GIMAP8: variants seen among roughly 807,000 people sequenced by gnomAD.
GIMAP8 encodes the protein GTPase IMAP family member 8.
GIMAP8 carries 29 observed loss-of-function variants against 35.6 expected under a neutral mutation model. That is an observed-to-expected ratio of 0.81 (90% CI 0.61 to 1.11). The LOEUF is 1.11. GIMAP8 is among the 50% of genes most tolerant of loss of function. GIMAP8 has a pLI of 0.00. For missense variants in GIMAP8, 811 were observed against 805.0 expected, an observed-to-expected ratio of 1.01 and a Z score of -0.09; for synonymous variants, 335 against 308.7, an observed-to-expected ratio of 1.09 and a Z score of -0.89.
At chr7:150,455,138 CAA>C (rs57359256) in intron 1 of GIMAP8, among the ~76,000 whole-genome samples, 36,676 of 123,700 alleles carry the variant, frequency 0.3, 4,449 homozygotes, top group African/African-American at 0.39. Flanking sequence ...AATTCCATCT[CAA>C]AAAAAAAAAA....
chr7:150,467,649 C>T (rs748440666), intron 2 of GIMAP8, among the ~76,000 whole-genome samples: 14 of 152,134 alleles, frequency 9.2e-5, no homozygotes, highest in Non-Finnish European at 1.8e-4. Flanking sequence ...TTGCCCTCTC[C>T]TTGTTCATTT....
intron 1 of GIMAP8, among the ~76,000 whole-genome samples, chr7:150,456,657 A>T (rs931775514): frequency 2.0e-5 from 3 of 152,226 alleles, no homozygotes; most frequent in African/African-American, 7.2e-5. Flanking sequence ...GCATGTGGAC[A>T]CCTTGGGCGA....
In GIMAP8 at chr7:150,477,957, G is replaced by A; in HGVS notation, c.*177G>A. ...TTGTAGATAAATAAATTGCAGGTGGGGGCGAATAGTAGGGTATTATAAAGG... is the reference window on the plus strand; with the variant it reads ...TTGTAGATAAATAAATTGCAGGTGGAGGCGAATAGTAGGGTATTATAAAGG... On this transcript the variant is annotated 3_prime_UTR_variant, in exon 5 of 5. Transcript: ENST00000307271. 1.7e-6 allele frequency: 1 copy of A among 593,438 alleles called. No homozygotes were observed. 36.8% of individuals were successfully genotyped at this position (593,438 alleles called of 1,614,324 possible).
intron 1 of GIMAP8, among the ~76,000 whole-genome samples, chr7:150,466,298 G>C (rs527565370): frequency 6.6e-6 from 1 of 152,166 alleles, no homozygotes; most frequent in African/African-American, 2.4e-5. Flanking sequence ...TGATTTAATA[G>C]GTGTAGGTTG....
At position 150,463,411 on chromosome 7, in the gene GIMAP8, T is replaced by C. The variant is rs115089363; in HGVS notation, c.-28-3260T>C. Among the ~76,000 whole-genome samples, 914 of 152,364 alleles carry C rather than the reference T, an allele frequency of 6.0e-3. 7 individuals are homozygous for C. Among genetic ancestry groups the C allele is most frequent in the African/African-American group, 0.021 (873 of 41,586 alleles). On this transcript the variant is annotated intron_variant, in intron 1 of 4. Coordinates refer to ENST00000307271, the MANE Select transcript of GIMAP8 (RefSeq NM_175571.4). ...CTTTGGAGATACTATGTTCCCTTGCTTTTTAATGTTTCTTGTGTTTTTGCA... is the reference window on the plus strand; with the variant it reads ...CTTTGGAGATACTATGTTCCCTTGCCTTTTAATGTTTCTTGTGTTTTTGCA...
intron 1 of GIMAP8, among the ~76,000 whole-genome samples, chr7:150,462,993 T>C (rs528748457): frequency 1.9e-4 from 29 of 152,290 alleles, no homozygotes; most frequent in African/African-American, 7.0e-4. Context: ...GTTTACTTTA[T>C]GGTGTCCCAT....
At chr7:150,455,414 G>C (rs1801709526) in intron 1 of GIMAP8, among the ~76,000 whole-genome samples, 1 of 152,208 alleles carries the variant, frequency 6.6e-6, no homozygotes, top group South Asian at 2.1e-4. Context: ...TTATACTAAA[G>C]TTACAGGAGT....
rs541507097 is a variant in GIMAP8, at chr7:150,469,554, G to A, written c.637-1275G>A. Among the ~76,000 whole-genome samples, 9 of 152,278 alleles carry A rather than the reference G, an allele frequency of 5.9e-5. No homozygotes were observed. In the East Asian group the frequency reaches 7.7e-4, roughly 13 times the overall value. ...AATTAAATGAAATGCTTACAAAGTC[G>A]TTAACAAATGCTTGAAACTTGGTAG... On this transcript the variant is annotated intron_variant, in intron 2 of 4. Coordinates refer to ENST00000307271, the MANE Select transcript of GIMAP8 (RefSeq NM_175571.4).
At chr7:150,454,550 A>C (rs990358486) in intron 1 of GIMAP8, among the ~76,000 whole-genome samples, 9 of 152,136 alleles carry the variant, frequency 5.9e-5, no homozygotes, top group Non-Finnish European at 1.2e-4. Flanking sequence ...GGTGTGCTGG[A>C]CCATCTGGGA....
Position 150,467,301 on chromosome 7 carries a change from T to C in GIMAP8, c.603T>C (p.His201=). ...TGAATACGAACGGAGGACCCTATCA[T>C]GTGAACTTCAAAACTGAAGGCAGCA... ...SLVNTNGGPY[H]VNFKTEGSRF... Residue 201 remains histidine, a synonymous_variant, in exon 2 of 5, where the codon CAT becomes CAC. Transcript: ENST00000307271. The C allele has an allele frequency of 6.2e-7, 1 of 1,613,240 alleles. No individual in the cohort carries two copies. Among genetic ancestry groups the C allele is most frequent in the East Asian group, 2.2e-5 (1 of 44,866 alleles).
At position 150,466,888 on chromosome 7, in the gene GIMAP8, A is replaced by G. The variant is rs751703860; in HGVS notation, c.190A>G (p.Ile64Val). The change falls in exon 2 of 5, where the codon ATT becomes GTT. Residue 64 changes from isoleucine to valine, a missense_variant. By Grantham distance (29) the Ile-to-Val change is conservative (BLOSUM62 3). Coordinates refer to ENST00000307271, the MANE Select transcript of GIMAP8 (RefSeq NM_175571.4). ...CCTGAGAGAAAGGAAGGTTGTGGTAATTGACACCCCTGACCTTTTCTCCTC... is the reference window on the plus strand; with the variant it reads ...CCTGAGAGAAAGGAAGGTTGTGGTAGTTGACACCCCTGACCTTTTCTCCTC... ...WVLRERKVVV[I>V]DTPDLFSSIA... 6.2e-7 allele frequency: 1 copy of G among 1,614,232 alleles called. No individual in the cohort carries two copies. The highest frequency in any genetic ancestry group is 8.5e-7 in the Non-Finnish European group (1 of 1,180,032).
intron 1 of GIMAP8, among the ~76,000 whole-genome samples, chr7:150,464,548 G>A (rs1226480682): frequency 3.9e-5 from 6 of 152,110 alleles, no homozygotes; most frequent in Non-Finnish European, 8.8e-5. Context: ...GTTGGGCATG[G>A]TGGTGTGTGC....
At position 150,467,004 on chromosome 7, in the gene GIMAP8, C is replaced by T; in HGVS notation, c.306C>T (p.Ala102=). 6.2e-7 allele frequency: 1 copy of T among 1,614,220 alleles called. No homozygotes were observed. Among genetic ancestry groups the T allele is most frequent in the Non-Finnish European group, 8.5e-7 (1 of 1,180,040 alleles). ...TCCATGCTCTGCTCTTGGTAATTGC[C>T]ATCGGCCATTTCACAAGGGAGGATG... ...PSLHALLLVI[A]IGHFTREDEE... is the part of the protein sequence containing the mutation. Residue 102 remains alanine, a synonymous_variant, in exon 2 of 5, where the codon GCC becomes GCT. Coordinates refer to ENST00000307271, the MANE Select transcript of GIMAP8 (RefSeq NM_175571.4).
chr7:150,459,181 A>G (rs1732281362), intron 1 of GIMAP8, among the ~76,000 whole-genome samples: 1 of 152,292 alleles, frequency 6.6e-6, no homozygotes, highest in Admixed American at 6.5e-5. Flanking sequence ...GAGATGCCCT[A>G]AGGGATTTCC....
Position 150,466,878 on chromosome 7 carries a change from GGTTGTGGTAATT to G in GIMAP8, c.182_193del (p.Val61_Ile64del). On this transcript the variant is annotated inframe_deletion, in exon 2 of 5. Transcript: ENST00000307271. ...AGAGTTGGGTCCTGAGAGAAAGGAA[GGTTGTGGTAATT>G]GACACCCCTGACCTTTTCTCCTCAA... is the stretch of plus-strand genomic sequence containing the variant. 1 of 1,614,256 alleles carries G rather than the reference GGTTGTGGTAATT, an allele frequency of 6.2e-7. No homozygotes were observed. Among genetic ancestry groups the G allele is most frequent in the East Asian group, 2.2e-5 (1 of 44,882 alleles).
Position 150,477,664 on chromosome 7 carries a change from A to C in GIMAP8, c.1882A>C (p.Ser628Arg). The part of the protein sequence containing the change: ...LTKVNDLRKE[S>R]GWSGYPHTQE... ...AAAGGTCAATGATCTGAGAAAAGAA[A>C]GTGGGTGGTCCGGGTATCCCCATAC... Residue 628 changes from serine (S) to arginine (R), a missense_variant, in exon 5 of 5, where the codon AGT (serine) becomes CGT (arginine). Transcript: ENST00000307271. 1 of 1,614,248 alleles carries C rather than the reference A, an allele frequency of 6.2e-7. No individual in the cohort carries two copies. Among genetic ancestry groups the C allele is most frequent in the Non-Finnish European group, 8.5e-7 (1 of 1,180,044 alleles).
chr7:150,464,629 G>C (rs1263583428), intron 1 of GIMAP8, among the ~76,000 whole-genome samples: 1 of 152,288 alleles, frequency 6.6e-6, no homozygotes, highest in Admixed American at 6.5e-5. Context: ...GATGTAGTGA[G>C]CTGTGGTCCC....
At chr7:150,460,243 A>T (rs933405931) in intron 1 of GIMAP8, among the ~76,000 whole-genome samples, 1 of 152,204 alleles carries the variant, frequency 6.6e-6, no homozygotes, top group Non-Finnish European at 1.5e-5. Context: ...CCATTTGATG[A>T]TTATTTTAAT....
intron 1 of GIMAP8, among the ~76,000 whole-genome samples, chr7:150,452,870 G>A (rs997670646): frequency 5.3e-5 from 8 of 150,864 alleles, no homozygotes; most frequent in Non-Finnish European, 1.0e-4. Flanking sequence ...TTACAGGCGT[G>A]AGCCACTGCG....
Sources: gnomAD v4.1 joint callset for allele counts (sites outside exome capture counted in the v4.1 genomes callset) on GRCh38, gnomAD v4.1.1 for gene constraint, MANE v1.5 for transcripts, NCBI Gene and HGNC (gene_info 2026-07-23, HGNC 2026-07-21) for gene names.